Variants in TEK observed in about 807,000 individuals in gnomAD.
The protein encoded by TEK is angiopoietin-1 receptor.
TEK carries 43 observed loss-of-function variants against 131.8 expected under a neutral mutation model. That is an observed-to-expected ratio of 0.33 (90% CI 0.26 to 0.42). The LOEUF (loss-of-function observed/expected upper bound fraction) is 0.42, where lower values mean the gene tolerates loss of function less well. Among genes scored for constraint, TEK ranks in the 10% least tolerant of loss-of-function variants. The pLI is 1.00. For synonymous variants in TEK, 580 were observed against 491.6 expected, an observed-to-expected ratio of 1.18 and a Z score of -2.38; for missense variants, 1,162 against 1,384.4, an observed-to-expected ratio of 0.84 and a Z score of 2.55.
At chr9:27,212,010 A>G (rs1477394100) in intron 16 of TEK, among the ~76,000 whole-genome samples, 5 of 146,140 alleles carry the variant, frequency 3.4e-5, no homozygotes, top group Admixed American at 2.0e-4. Flanking sequence ...AAAAAGAGAG[A>G]GAGAAATGAT....
At chr9:27,142,944 G>A (rs1273994509) in intron 1 of TEK, among the ~76,000 whole-genome samples, 1 of 152,204 alleles carries the variant, frequency 6.6e-6, no homozygotes, top group Non-Finnish European at 1.5e-5. Context: ...TATTGTTAAT[G>A]ATTTTTGTAA....
intron 12 of TEK, among the ~76,000 whole-genome samples, chr9:27,199,176 A>G (rs1825131522): frequency 6.6e-6 from 1 of 152,206 alleles, no homozygotes; most frequent in Non-Finnish European, 1.5e-5. Flanking sequence ...AATGGACATT[A>G]TGAATTTTAT....
At chr9:27,202,661 C>T (rs1354712142) in intron 12 of TEK, among the ~76,000 whole-genome samples, 159 bp from the exon 13 acceptor site, 1 of 152,202 alleles carries the variant, frequency 6.6e-6, no homozygotes, top group Non-Finnish European at 1.5e-5. Flanking sequence ...TCTTTCAAGT[C>T]TGCGTGGAGT....
chr9:27,225,440 T>C (rs1826279602), intron 21 of TEK, among the ~76,000 whole-genome samples: 1 of 151,998 alleles, frequency 6.6e-6, no homozygotes. Flanking sequence ...ACACCACACA[T>C]CTACAACCAT....
chr9:27,140,171 A>T (rs1822669616), intron 1 of TEK, among the ~76,000 whole-genome samples: 1 of 152,128 alleles, frequency 6.6e-6, no homozygotes, highest in South Asian at 2.1e-4. Context: ...TTGATCGAAA[A>T]CATGTAGAAA....
chr9:27,220,478 T>A (rs1279472421), intron 21 of TEK, among the ~76,000 whole-genome samples: 3 of 37,074 alleles, frequency 8.1e-5, no homozygotes, highest in African/African-American at 3.6e-4. Flanking sequence ...AGCTGTTCAT[T>A]AAGATTAATT....
At chr9:27,216,077 T>G (rs1825811732) in intron 18 of TEK, among the ~76,000 whole-genome samples, 1 of 152,140 alleles carries the variant, frequency 6.6e-6, no homozygotes, top group Non-Finnish European at 1.5e-5. Context: ...AAGGGAGAGT[T>G]AAACTTCAGG....
At chr9:27,223,881 G>A (rs1281525564) in intron 21 of TEK, among the ~76,000 whole-genome samples, 1 of 152,124 alleles carries the variant, frequency 6.6e-6, no homozygotes. Flanking sequence ...GACTAATGAA[G>A]AAGAGAGAGA....
chr9:27,173,149 TGA>T, intron 5 of TEK, 71 bp from the exon 6 acceptor site: 1 of 1,585,806 alleles, frequency 6.3e-7, no homozygotes, highest in East Asian at 2.3e-5. Context: ...CTAGGAGAAA[TGA>T]ATCTAAAGAA....
At chr9:27,119,890 C>CGTGT (rs147218863) in intron 1 of TEK, among the ~76,000 whole-genome samples, 88,962 of 151,102 alleles carry the variant, frequency 0.59, 26,636 homozygotes, top group East Asian at 0.69. Flanking sequence ...TGTGCACATG[C>CGTGT]GTGTGTGTGT....
rs1406565859 is a variant in TEK at position 27,153,859 on chromosome 9, G to A, written c.53-3972G>A. 3.3e-5 allele frequency among the ~76,000 whole-genome samples: 5 copies of A among 152,180 alleles called. No homozygotes were observed. In the East Asian group the frequency reaches 5.8e-4, roughly 18 times the overall value. ...CAGCAGAACTCTTTCAAGAAGCCAC[G>A]GACCACAGTTGTACTCGTTGTCGTG... On this transcript the variant is annotated intron_variant, in intron 1 of 22. Transcript: ENST00000380036.
At chr9:27,143,836 C>T (rs1036766908) in intron 1 of TEK, among the ~76,000 whole-genome samples, 1 of 152,158 alleles carries the variant, frequency 6.6e-6, no homozygotes, top group Admixed American at 6.5e-5. Flanking sequence ...GTCAGTAAGA[C>T]ATAACCCCTT....
chr9:27,172,602 T>G lies in TEK; in HGVS notation c.629-14T>G. The G allele has an allele frequency of 6.2e-7, 1 of 1,613,208 alleles. No individual in the cohort carries two copies. The highest frequency in any genetic ancestry group is 8.5e-7 in the Non-Finnish European group (1 of 1,179,342). On this transcript the variant is annotated splice_polypyrimidine_tract_variant and intron_variant, in intron 4 of 22. Coordinates refer to ENST00000380036, the MANE Select transcript of TEK (RefSeq NM_000459.5). Reference sequence around the variant, plus strand: ...GCGCTCTACTCACCACAGCCTTGTTTTCCTTAACAAAAGGATGTGAAGCCC... The same window carrying G: ...GCGCTCTACTCACCACAGCCTTGTTGTCCTTAACAAAAGGATGTGAAGCCC...
At chr9:27,176,094 T>C (rs1287825589) in intron 6 of TEK, among the ~76,000 whole-genome samples, 1 of 152,230 alleles carries the variant, frequency 6.6e-6, no homozygotes, top group African/African-American at 2.4e-5. Context: ...TACTATCCTG[T>C]TCATTCCATC....
At chr9:27,166,642 A>G (rs1380058734) in intron 2 of TEK, among the ~76,000 whole-genome samples, 1 of 152,190 alleles carries the variant, frequency 6.6e-6, no homozygotes, top group Non-Finnish European at 1.5e-5. Context: ...AAATGTTGCA[A>G]TACTAGCTTT....
intron 5 of TEK, 147 bp from the exon 6 acceptor site, chr9:27,173,075 C>A: frequency 9.8e-7 from 1 of 1,018,204 alleles, no homozygotes; most frequent in Non-Finnish European, 1.5e-6. Context: ...TAAAATGGGC[C>A]ATAAGGGTAT....
At chr9:27,143,946 G>C (rs1412477340) in intron 1 of TEK, among the ~76,000 whole-genome samples, 3 of 152,210 alleles carry the variant, frequency 2.0e-5, no homozygotes, top group Admixed American at 2.0e-4. Flanking sequence ...GAGAAGAGAA[G>C]TGTTGGAGGA....
At chr9:27,218,046 C>T (rs527650775) in intron 19 of TEK, among the ~76,000 whole-genome samples, 4 of 151,570 alleles carry the variant, frequency 2.6e-5, no homozygotes, top group East Asian at 3.9e-4. Flanking sequence ...AGGGACATAC[C>T]GGCCTTCCTG....
intron 7 of TEK, 33 bp downstream of exon 7, chr9:27,180,401 G>T (rs1443124232): frequency 1.9e-6 from 3 of 1,602,606 alleles, no homozygotes; most frequent in Non-Finnish European, 2.6e-6. Flanking sequence ...TCAGGGCCAT[G>T]TTCAGCATGT....
Sources: gnomAD v4.1 joint callset for allele counts (sites outside exome capture counted in the v4.1 genomes callset) on GRCh38, gnomAD v4.1.1 for gene constraint, MANE v1.5 for transcripts, NCBI Gene and HGNC (gene_info 2026-07-23, HGNC 2026-07-21) for gene names.